Variants in ZDHHC6 observed in about 807,000 individuals in gnomAD.
ZDHHC6 encodes the protein zDHHC palmitoyltransferase 6.
In ZDHHC6, 32 loss-of-function variants were observed where a neutral mutation model predicts 57.8. The observed-to-expected ratio is 0.55, with a 90% CI of 0.42 to 0.74. The LOEUF (loss-of-function observed/expected upper bound fraction) is 0.74, where lower values mean the gene tolerates loss of function less well. Among genes scored for constraint, ZDHHC6 ranks in the 30% least tolerant of loss-of-function variants. The probability of loss-of-function intolerance (pLI) is 0.00; values close to 1 mark genes in which losing one functional copy is unlikely to be tolerated. For missense variants in ZDHHC6, 433 were observed against 500.7 expected (o/e 0.86, Z 1.29); for synonymous variants, 128 against 158.0 (o/e 0.81, Z 1.42).
chr10:112,440,405 T>C (rs1453514223), intron 5 of ZDHHC6, 129 bp downstream of exon 5: 3 of 1,003,536 alleles, frequency 3.0e-6, no homozygotes, highest in South Asian at 4.1e-5. Flanking sequence ...GGAGATTAGT[T>C]ACCTAAATGA....
chr10:112,429,028 A>G (rs575674700), downstream of ZDHHC6, among the ~76,000 whole-genome samples: 1 of 152,360 alleles, frequency 6.6e-6, no homozygotes, highest in African/African-American at 2.4e-5. Flanking sequence ...CCATTCTTTT[A>G]CCATCTTTGT....
chr10:112,447,532 G>C (rs1011130201), upstream of ZDHHC6: 4 of 1,542,378 alleles, frequency 2.6e-6, no homozygotes, highest in African/African-American at 1.4e-5. Flanking sequence ...GCGGTGGAAC[G>C]CCGCCCGAGT....
At chr10:112,433,150 T>G in intron 8 of ZDHHC6, 90 bp downstream of exon 8, 1 of 1,026,504 alleles carries the variant, frequency 9.7e-7, no homozygotes, top group Non-Finnish European at 1.4e-6. Flanking sequence ...GGCCAACAAT[T>G]GGTTTCTAGT....
chr10:112,440,699 T>C lies in ZDHHC6; in HGVS notation c.520-4A>G, dbSNP rs1409350575. The stretch of plus-strand genomic sequence containing the variant: ...CTGTGTTCCACCCAAAGGAGAGCTA[T>C]CGCAGCAACAATAGCACACGCACAA... On this transcript the variant is annotated splice_polypyrimidine_tract_variant and splice_region_variant and intron_variant, in intron 4 of 10. Coordinates refer to ENST00000369405, the MANE Select transcript of ZDHHC6 (RefSeq NM_022494.3). The C allele has an allele frequency of 1.2e-6, 2 of 1,610,558 alleles. No homozygotes were observed. Among genetic ancestry groups the C allele is most frequent in the Admixed American group, 3.3e-5 (2 of 59,826 alleles).
downstream of ZDHHC6, chr10:112,426,420 C>T (rs149270456): frequency 7.2e-7 from 1 of 1,397,642 alleles, no homozygotes; most frequent in East Asian, 2.3e-5. Context: ...GGAGAGGATG[C>T]CTCACCAGTT....
At chr10:112,429,966 T>TGGG (rs141673449), downstream of ZDHHC6, among the ~76,000 whole-genome samples, 538 of 108,108 alleles carry the variant, frequency 5.0e-3, 5 homozygotes, top group Non-Finnish European at 6.7e-3. Flanking sequence ...AAGCAGTTGT[T>TGGG]GGGGGGGGGG....
At chr10:112,439,680 G>GAAT (rs1005491645) in intron 5 of ZDHHC6, among the ~76,000 whole-genome samples, 1 of 66,526 alleles carries the variant, frequency 1.5e-5, no homozygotes, top group African/African-American at 6.7e-5. Context: ...GAATGAAAAA[G>GAAT]AATGGTTTTT....
Position 112,445,336 on chromosome 10 carries a change from C to A in ZDHHC6, c.101G>T (p.Cys34Phe). The A allele has an allele frequency of 6.2e-7, 1 of 1,614,176 alleles. No individual in the cohort carries two copies. The highest frequency in any genetic ancestry group is 8.5e-7 in the Non-Finnish European group (1 of 1,180,038). ...PIIALGVIAI[C>F]STMAMIDSVL... ...AGAGTCAATCATGGCCATGGTAGAA[C>A]ATATTGCTATAACACCAAGGGCTAT... Residue 34 changes from cysteine (C) to phenylalanine (F), a missense_variant, in exon 2 of 11, where the codon TGT (cysteine) becomes TTT (phenylalanine). Physicochemically the swap from Cys to Phe is radical, Grantham distance 205. Coordinates refer to ENST00000369405, the MANE Select transcript of ZDHHC6 (RefSeq NM_022494.3).
At chr10:112,425,215 C>A in exon 12 of ZDHHC6, 1 of 842,086 alleles carries the variant, frequency 1.2e-6, no homozygotes, top group Non-Finnish European at 1.8e-6. Flanking sequence ...AAATGAAAGA[C>A]AGCTCAAAAG....
chr10:112,440,460 AG>A, intron 5 of ZDHHC6, 73 bp downstream of exon 5: 1 of 1,455,634 alleles, frequency 6.9e-7, no homozygotes, highest in Non-Finnish European at 9.2e-7. Flanking sequence ...ACTTAAATAC[AG>A]GCTTTGTCTC....
chr10:112,432,584 G>C, intron 8 of ZDHHC6, 63 bp from the exon 9 acceptor site: 1 of 1,550,626 alleles, frequency 6.4e-7, no homozygotes, highest in Non-Finnish European at 8.7e-7. Flanking sequence ...TTTTAAGTCT[G>C]AATTTCAAAT....
At chr10:112,426,292 A>G (rs1382067445), downstream of ZDHHC6, 1 of 1,614,064 alleles carries the variant, frequency 6.2e-7, no homozygotes, top group Non-Finnish European at 8.5e-7. Context: ...CCTGACACAG[A>G]TGTACTTCCC....
At position 112,440,677 on chromosome 10, in the gene ZDHHC6, T is replaced by C. The variant is rs1264813750; in HGVS notation, c.538A>G (p.Thr180Ala). The C allele has an allele frequency of 5.6e-6, 9 of 1,613,556 alleles. No individual in the cohort carries two copies. The highest frequency in any genetic ancestry group is 6.8e-6 in the Non-Finnish European group (8 of 1,179,642). The stretch of plus-strand genomic sequence containing the variant: ...GCTGCACTCATGTCGATCTTCACTG[T>C]GTTCCACCCAAAGGAGAGCTATCGC... ...LYHRLSFGWN[T>A]VKIDMSAARR... Residue 180 changes from threonine (T) to alanine (A), a missense_variant, in exon 5 of 11, where the codon ACA becomes GCA. By Grantham distance (58) the Thr-to-Ala change is moderately conservative (BLOSUM62 0). Coordinates refer to ENST00000369405, the MANE Select transcript of ZDHHC6 (RefSeq NM_022494.3).
chr10:112,440,568 G>A lies in ZDHHC6; in HGVS notation c.647C>T (p.Thr216Ile). ...TLFALGLALG[T>I]TIAVGMLFFI... ...AAACAACATCCCAACAGCTATGGTTGTTCCTAAAGCTAATCCCAAGGCAAA... is the reference window on the plus strand; with the variant it reads ...AAACAACATCCCAACAGCTATGGTTATTCCTAAAGCTAATCCCAAGGCAAA... Residue 216 changes from threonine to isoleucine, a missense_variant, in exon 5 of 11, where the codon ACA becomes ATA. Thr to Ile is a moderately conservative substitution (Grantham distance 89, BLOSUM62 -1). Transcript: ENST00000369405. 6.2e-7 allele frequency: 1 copy of A among 1,613,938 alleles called. No individual in the cohort carries two copies. Among genetic ancestry groups the A allele is most frequent in the East Asian group, 2.2e-5 (1 of 44,864 alleles).
intron 4 of ZDHHC6, among the ~76,000 whole-genome samples, chr10:112,441,334 C>A (rs1376785057): frequency 6.6e-6 from 1 of 152,170 alleles, no homozygotes; most frequent in Admixed American, 6.5e-5. Flanking sequence ...TCTTCTCTTG[C>A]TATTCTACAT....
At chr10:112,447,451 C>G (rs1846901712), upstream of ZDHHC6, 1 of 1,613,500 alleles carries the variant, frequency 6.2e-7, no homozygotes, top group Non-Finnish European at 8.5e-7. Flanking sequence ...TTGCGAGGGT[C>G]CCACGACTCC....
chr10:112,426,313 C>A (rs1307326384), downstream of ZDHHC6: 1 of 1,613,952 alleles, frequency 6.2e-7, no homozygotes, highest in Admixed American at 1.7e-5. Flanking sequence ...TCATTTGCAG[C>A]CAAGCTTGGG....
chr10:112,438,805 G>A (rs1163863210), intron 5 of ZDHHC6, among the ~76,000 whole-genome samples: 1 of 152,070 alleles, frequency 6.6e-6, no homozygotes, highest in East Asian at 1.9e-4. Context: ...AGAAGTAACA[G>A]TGACTCATTT....
chr10:112,445,312 G>C lies in ZDHHC6; in HGVS notation c.125C>G (p.Ser42Cys), dbSNP rs1330359512. The C allele has an allele frequency of 2.5e-6, 4 of 1,614,152 alleles. No homozygotes were observed. The highest frequency in any genetic ancestry group is 3.3e-4 in the Middle Eastern group (2 of 6,062). The change falls in exon 2 of 11, where the codon TCT becomes TGT. Residue 42 changes from serine (S) to cysteine (C), a missense_variant. Transcript: ENST00000369405. ...AICSTMAMIDSVLWYWPLHTT... is the reference protein window; with the variant it reads ...AICSTMAMIDCVLWYWPLHTT... Reference sequence around the variant, plus strand: ...ATGTAAGGGCCAATACCACAACACAGAGTCAATCATGGCCATGGTAGAACA... The same window carrying C: ...ATGTAAGGGCCAATACCACAACACACAGTCAATCATGGCCATGGTAGAACA...
Sources: gnomAD v4.1 joint callset for allele counts (sites outside exome capture counted in the v4.1 genomes callset) on GRCh38, gnomAD v4.1.1 for gene constraint, MANE v1.5 for transcripts, NCBI Gene and HGNC (gene_info 2026-07-23, HGNC 2026-07-21) for gene names.